Variants in DLG2 observed in about 807,000 individuals in gnomAD.
DLG2 encodes the protein disks large homolog 2.
In DLG2, 45 loss-of-function variants were observed where a neutral mutation model predicts 132.5. That is an observed-to-expected ratio of 0.34 (90% CI 0.27 to 0.44). The LOEUF is 0.44. Among genes scored for constraint, DLG2 ranks in the 20% least tolerant of loss-of-function variants. The pLI is 1.00. For synonymous variants in DLG2, 424 were observed against 419.6 expected, an observed-to-expected ratio of 1.01 and a Z score of -0.13; for missense variants, 1,045 against 1,196.9, an observed-to-expected ratio of 0.87 and a Z score of 1.87.
At chr11:85,431,065 A>C (rs2091149956) in intron 3 of DLG2, among the ~76,000 whole-genome samples, 1 of 152,182 alleles carries the variant, frequency 6.6e-6, no homozygotes, top group Non-Finnish European at 1.5e-5. Context: ...TATACATCAA[A>C]CATGTATAGA....
chr11:84,631,018 TCACACACACACACACACA>T (rs372331224), intron 6 of DLG2, among the ~76,000 whole-genome samples: 1 of 94,262 alleles, frequency 1.1e-5, no homozygotes, highest in Admixed American at 1.3e-4. Flanking sequence ...TCTCTCTCTC[TCACACACACACACACACA>T]CACACACACA....
rs2093547384 is a variant in DLG2 at position 83,754,081 on chromosome 11, T to G, written c.1825+32609A>C. Reference sequence around the variant, plus strand: ...GCTTTTGCCCTAAACATGGAGCTTATTTAGTTAAAAAATACTGGGTTTACA... The same window carrying G: ...GCTTTTGCCCTAAACATGGAGCTTAGTTAGTTAAAAAATACTGGGTTTACA... On this transcript the variant is annotated intron_variant, in intron 18 of 27. Transcript: ENST00000376104. Among the ~76,000 whole-genome samples the G allele has an allele frequency of 2.7e-5, 4 of 150,258 alleles. No individual in the cohort carries two copies. The South Asian group carries it at 8.3e-4, about 31-fold the overall frequency.
At chr11:84,447,150 A>C (rs2099037610) in intron 7 of DLG2, among the ~76,000 whole-genome samples, 1 of 152,212 alleles carries the variant, frequency 6.6e-6, no homozygotes, top group Non-Finnish European at 1.5e-5. Context: ...ACTACGCTGT[A>C]AGACAGACCA....
At chr11:85,592,525 T>C (rs1478690868) in intron 3 of DLG2, among the ~76,000 whole-genome samples, 1 of 152,186 alleles carries the variant, frequency 6.6e-6, no homozygotes, top group East Asian at 1.9e-4. Context: ...GCTTTATCCA[T>C]AGAGATACTT....
At chr11:83,512,915 T>C (rs1271100693) in intron 21 of DLG2, among the ~76,000 whole-genome samples, 1 of 152,236 alleles carries the variant, frequency 6.6e-6, no homozygotes, top group East Asian at 1.9e-4. Flanking sequence ...CCACATTTTC[T>C]TAATCCAGTC....
chr11:84,141,043 A>C (rs781109003), intron 9 of DLG2, among the ~76,000 whole-genome samples: 2 of 152,172 alleles, frequency 1.3e-5, no homozygotes, highest in Non-Finnish European at 2.9e-5. Flanking sequence ...GTTAAGATAT[A>C]AAAGAGCCAT....
intron 3 of DLG2, among the ~76,000 whole-genome samples, chr11:85,309,009 G>C (rs888083845): frequency 4.6e-5 from 7 of 152,070 alleles, no homozygotes; most frequent in African/African-American, 1.7e-4. Flanking sequence ...CCTTGGTCCT[G>C]TGTCTTGCTT....
At chr11:83,506,772 C>T (rs377399683) in intron 21 of DLG2, among the ~76,000 whole-genome samples, 2 of 152,314 alleles carry the variant, frequency 1.3e-5, no homozygotes, top group South Asian at 4.1e-4. Context: ...TTCTCTCACA[C>T]GTTTCTATTG....
chr11:83,875,865 C>T (rs1224027981), intron 15 of DLG2, among the ~76,000 whole-genome samples: 3 of 152,030 alleles, frequency 2.0e-5, no homozygotes, highest in Non-Finnish European at 2.9e-5. Flanking sequence ...TCCTGTGACA[C>T]GTAGATAATA....
chr11:84,759,067 G>T (rs1320529838), intron 6 of DLG2, among the ~76,000 whole-genome samples: 1 of 152,000 alleles, frequency 6.6e-6, no homozygotes, highest in Non-Finnish European at 1.5e-5. Flanking sequence ...TAGTAGAGAT[G>T]GGGCTTTGCC....
At chr11:84,644,447 C>T (rs1433660535) in intron 6 of DLG2, among the ~76,000 whole-genome samples, 2 of 152,144 alleles carry the variant, frequency 1.3e-5, no homozygotes, top group African/African-American at 2.4e-5. Context: ...TGGCTCACAC[C>T]TGTAATCCCA....
intron 4 of DLG2, among the ~76,000 whole-genome samples, chr11:85,169,447 T>C (rs551722846): frequency 5.3e-5 from 8 of 152,104 alleles, no homozygotes; most frequent in Non-Finnish European, 7.4e-5. Context: ...GTATGAGCCA[T>C]ACAAAATTGA....
At chr11:85,415,487 G>T (rs569561919) in intron 3 of DLG2, among the ~76,000 whole-genome samples, 2 of 152,286 alleles carry the variant, frequency 1.3e-5, no homozygotes, top group African/African-American at 2.4e-5. Context: ...CAGTGTAAAA[G>T]CATTCCTATT....
intron 6 of DLG2, among the ~76,000 whole-genome samples, chr11:84,811,573 G>T (rs1439263505): frequency 6.6e-6 from 1 of 152,064 alleles, no homozygotes; most frequent in Non-Finnish European, 1.5e-5. Context: ...CATTCCCCTA[G>T]TCTCATCATC....
At chr11:85,286,342 T>A (rs1361937154) in intron 3 of DLG2, among the ~76,000 whole-genome samples, 2 of 152,042 alleles carry the variant, frequency 1.3e-5, no homozygotes, top group Non-Finnish European at 2.9e-5. Flanking sequence ...TGATATTAGA[T>A]GAGAGTTGGA....
At chr11:85,535,664 A>C (rs61286868) in intron 3 of DLG2, among the ~76,000 whole-genome samples, 24,583 of 152,136 alleles carry the variant, frequency 0.16, 2,485 homozygotes, top group East Asian at 0.28. Context: ...ACAGATGTCC[A>C]CACAAAAATC....
chr11:84,825,962 A>C (rs1192976753), intron 6 of DLG2, among the ~76,000 whole-genome samples: 1 of 151,880 alleles, frequency 6.6e-6, no homozygotes, highest in Non-Finnish European at 1.5e-5. Flanking sequence ...AAAAACATTT[A>C]ATGGTTTGAT....
At chr11:84,682,418 C>T (rs1212628323) in intron 6 of DLG2, among the ~76,000 whole-genome samples, 1 of 152,074 alleles carries the variant, frequency 6.6e-6, no homozygotes, top group Admixed American at 6.5e-5. Context: ...AATGCAAAGG[C>T]AAGGAATATT....
intron 3 of DLG2, among the ~76,000 whole-genome samples, chr11:85,401,373 G>A (rs2088086803): frequency 6.6e-6 from 1 of 152,106 alleles, no homozygotes; most frequent in Non-Finnish European, 1.5e-5. Context: ...TAAACCCACA[G>A]CCAATATCGT....
Sources: allele counts gnomAD v4.1 joint callset (sites outside exome capture counted in the v4.1 genomes callset), GRCh38; gene constraint gnomAD v4.1.1; transcripts MANE v1.5; gene names NCBI Gene and HGNC (gene_info 2026-07-23, HGNC 2026-07-21).